Variants in SLC30A8 observed in about 807,000 individuals in gnomAD.
SLC30A8 encodes the protein proton-coupled zinc antiporter SLC30A8.
A neutral mutation model predicts 36.9 loss-of-function variants in SLC30A8; 27 were observed. The ratio of observed to expected loss-of-function variants is 0.73; its 90% confidence interval spans 0.54 to 1.01. The LOEUF is 1.01. Ranked by LOEUF, SLC30A8 falls within the 50% of genes least tolerant of loss-of-function variation. The pLI, the probability that SLC30A8 is intolerant of heterozygous loss-of-function variation, is 0.00. For missense variants in SLC30A8, 439 were observed against 452.0 expected (o/e 0.97, Z 0.26); for synonymous variants, 164 against 172.4 (o/e 0.95, Z 0.38).
chr8:117,079,910 A>G (rs1310764597), intron 2 of SLC30A8, among the ~76,000 whole-genome samples: 1 of 152,242 alleles, frequency 6.6e-6, no homozygotes, highest in Non-Finnish European at 1.5e-5. Context: ...ATGTGTAGCT[A>G]AAAGCATCCA....
At chr8:117,136,108 A>G (rs1390124844) in intron 1 of SLC30A8, among the ~76,000 whole-genome samples, 1 of 151,996 alleles carries the variant, frequency 6.6e-6, no homozygotes, top group Non-Finnish European at 1.5e-5. Flanking sequence ...TTTGTGTCAT[A>G]TTGAGGGTGT....
chr8:117,070,198 T>A (rs995387012), intron 2 of SLC30A8, among the ~76,000 whole-genome samples: 1 of 152,164 alleles, frequency 6.6e-6, no homozygotes, highest in Admixed American at 6.5e-5. Context: ...AATCAAATAA[T>A]GACAGATTTT....
In SLC30A8 at chr8:116,973,658, T is replaced by A. The variant is rs191651142; in HGVS notation, c.-266+22539T>A. On this transcript the variant is annotated intron_variant, in intron 1 of 10. Coordinates refer to the SLC30A8 transcript ENST00000427715. ...AGTGCCATCCCCATCAAGCTACCAA[T>A]GACTTCCTTCACAGAATCGGAAGAA... Among the ~76,000 whole-genome samples, 294 of 152,284 alleles carry A rather than the reference T, an allele frequency of 1.9e-3. 1 individual carries two copies. Among genetic ancestry groups the A allele is most frequent in the African/African-American group, 6.8e-3 (282 of 41,556 alleles).
chr8:117,102,781 A>G (rs1262476726), intron 2 of SLC30A8, among the ~76,000 whole-genome samples: 2 of 152,154 alleles, frequency 1.3e-5, no homozygotes, highest in Non-Finnish European at 2.9e-5. Flanking sequence ...TAAGCACACC[A>G]ATCATTAGAC....
rs182378641 is a variant in SLC30A8 at position 117,106,931 on chromosome 8, C to T, written c.-225-28349C>T. ...CATATGCTTTATTGGAGAAGGAAAA[C>T]CATTCTATCTGCATAGCACTGAGTC... On this transcript the variant is annotated intron_variant, in intron 2 of 10. Transcript: ENST00000427715. Among the ~76,000 whole-genome samples, 216 of 152,280 alleles carry T rather than the reference C, an allele frequency of 1.4e-3. 1 individual carries two copies. The highest frequency in any genetic ancestry group is 2.6e-3 in the Non-Finnish European group (177 of 68,016).
In SLC30A8 at chr8:117,153,085, G is replaced by T. The variant is rs746249658; in HGVS notation, c.413G>T (p.Arg138Leu). The change falls in exon 3 of 8, where the codon CGA becomes CTA. Residue 138 changes from arginine (R) to leucine (L), a missense_variant. Transcript: ENST00000456015. Reference protein sequence around the residue: ...PSKRLTFGWHRAEILGALLSI... With the variant: ...PSKRLTFGWHLAEILGALLSI... The stretch of plus-strand genomic sequence containing the variant: ...AAGCGGCTGACATTTGGATGGCACC[G>T]AGCAGGTACGGTTCATAGAGTGAGC... The T allele has an allele frequency of 6.2e-7, 1 of 1,606,892 alleles. No homozygotes were observed. The highest frequency in any genetic ancestry group is 8.5e-7 in the Non-Finnish European group (1 of 1,175,458).
intron 2 of SLC30A8, among the ~76,000 whole-genome samples, chr8:117,074,391 C>T (rs900507401): frequency 3.2e-4 from 49 of 152,066 alleles, no homozygotes; most frequent in Non-Finnish European, 5.9e-5. Context: ...TTGTCTAGTT[C>T]CTAGTGTTTT....
At chr8:116,969,393 G>A (rs75626036) in intron 1 of SLC30A8, among the ~76,000 whole-genome samples, 1 of 152,174 alleles carries the variant, frequency 6.6e-6, no homozygotes, top group Non-Finnish European at 1.5e-5. Flanking sequence ...ACAAACTTGG[G>A]CAAGTTACCT....
intron 1 of SLC30A8, among the ~76,000 whole-genome samples, chr8:117,035,648 A>G (rs548339085): frequency 6.6e-6 from 1 of 152,354 alleles, no homozygotes; most frequent in South Asian, 2.1e-4. Flanking sequence ...CTCACACCAC[A>G]CATTTCCCTT....
At chr8:117,004,894 A>G (rs1456399995) in intron 1 of SLC30A8, among the ~76,000 whole-genome samples, 1 of 151,992 alleles carries the variant, frequency 6.6e-6, no homozygotes, top group Non-Finnish European at 1.5e-5. Context: ...CATTTTTTGC[A>G]AAAATTTTCA....
rs370162952 is a variant in SLC30A8, at chr8:117,135,295, C to T, written c.-33C>T. 2.5e-5 allele frequency: 38 copies of T among 1,549,060 alleles called. No individual in the cohort carries two copies. The highest frequency in any genetic ancestry group is 6.9e-5 in the East Asian group (3 of 43,374). ...AACTGGGCAGTGAGTTCAACAACAACGACAACAACAGCCGCAGCTCATCCT... is the reference window on the plus strand; with the variant it reads ...AACTGGGCAGTGAGTTCAACAACAATGACAACAACAGCCGCAGCTCATCCT... On this transcript the variant is annotated 5_prime_UTR_variant, in exon 1 of 8. In the 5' UTR this introduces an upstream ATG that the reference lacks. Transcript: ENST00000456015.
intron 2 of SLC30A8, among the ~76,000 whole-genome samples, chr8:117,049,524 G>C (rs1315621829): frequency 6.6e-6 from 1 of 152,090 alleles, no homozygotes; most frequent in Admixed American, 6.5e-5. Flanking sequence ...CAATTTAGAG[G>C]CTGCAAAGTT....
At chr8:117,136,570 G>A (rs1190696437) in intron 1 of SLC30A8, among the ~76,000 whole-genome samples, 1 of 151,846 alleles carries the variant, frequency 6.6e-6, no homozygotes, top group Non-Finnish European at 1.5e-5. Flanking sequence ...TTATAACTTG[G>A]CTTAAAACAA....
intron 2 of SLC30A8, among the ~76,000 whole-genome samples, chr8:117,053,660 TGTCTG>T (rs1328589369): frequency 2.6e-5 from 4 of 152,242 alleles, no homozygotes; most frequent in Non-Finnish European, 5.9e-5. Context: ...AACCCTTTTC[TGTCTG>T]AAGCCAAAGT....
intron 1 of SLC30A8, among the ~76,000 whole-genome samples, chr8:117,018,675 C>CCCT (rs761796400): frequency 5.0e-4 from 53 of 105,348 alleles, no homozygotes; most frequent in East Asian, 1.5e-3. Context: ...CCCCCCCCCC[C>CCCT]TTTTTTTTTT....
At chr8:116,985,333 CAAGT>C (rs139092396) in intron 1 of SLC30A8, among the ~76,000 whole-genome samples, 5 of 133,746 alleles carry the variant, frequency 3.7e-5, no homozygotes, top group Non-Finnish European at 8.3e-5. Flanking sequence ...CACACACACA[CAAGT>C]ATGTATATCT....
intron 2 of SLC30A8, among the ~76,000 whole-genome samples, chr8:117,043,173 A>G (rs1384228739): frequency 6.6e-6 from 1 of 152,208 alleles, no homozygotes; most frequent in Non-Finnish European, 1.5e-5. Flanking sequence ...AGAAAAAGCA[A>G]AAATGTAGAG....
At chr8:116,996,453 G>T (rs137863714) in intron 1 of SLC30A8, among the ~76,000 whole-genome samples, 5 of 152,138 alleles carry the variant, frequency 3.3e-5, no homozygotes, top group African/African-American at 1.2e-4. Context: ...GGCTAATCAA[G>T]CTAATTAACA....
At chr8:117,048,842 A>G (rs1399161389) in intron 2 of SLC30A8, among the ~76,000 whole-genome samples, 1 of 152,184 alleles carries the variant, frequency 6.6e-6, no homozygotes, top group Non-Finnish European at 1.5e-5. Flanking sequence ...TACCCTTGCA[A>G]CATTCCCGAT....
Sources: gnomAD v4.1 joint callset for allele counts (sites outside exome capture counted in the v4.1 genomes callset) on GRCh38, gnomAD v4.1.1 for gene constraint, MANE v1.5 for transcripts, NCBI Gene and HGNC (gene_info 2026-07-23, HGNC 2026-07-21) for gene names.